Variants in IFT140 observed in about 807,000 individuals in gnomAD.
IFT140 encodes the protein intraflagellar transport protein 140 homolog.
Under a neutral mutation model 164.6 loss-of-function variants are expected in IFT140, and 133 were observed. The ratio of observed to expected loss-of-function variants is 0.81; its 90% CI spans 0.70 to 0.93. IFT140 has a LOEUF of 0.93. Ranked by LOEUF, IFT140 falls within the 40% of genes least tolerant of loss-of-function variation. The probability of loss-of-function intolerance (pLI) is 0.00; values close to 1 mark genes in which losing one functional copy is unlikely to be tolerated. For synonymous variants in IFT140, 860 were observed against 817.3 expected (o/e 1.05, Z -0.89); for missense variants, 2,045 against 1,972.3 (o/e 1.04, Z -0.70).
At chr16:1,585,904 G>C (rs2034847873) in intron 10 of IFT140, among the ~76,000 whole-genome samples, 1 of 151,534 alleles carries the variant, frequency 6.6e-6, no homozygotes, top group Non-Finnish European at 1.5e-5. Context: ...CTGAGTAGCT[G>C]AGGCTACAGG....
At chr16:1,566,553 C>A (rs1339390462) in intron 15 of IFT140, among the ~76,000 whole-genome samples, 2 of 152,170 alleles carry the variant, frequency 1.3e-5, no homozygotes, top group Admixed American at 6.5e-5. Flanking sequence ...CCTCCGCCTC[C>A]CGGGCTCAGG....
chr16:1,527,319 C>G (rs2040737479), intron 19 of IFT140, among the ~76,000 whole-genome samples: 1 of 152,182 alleles, frequency 6.6e-6, no homozygotes, highest in South Asian at 2.1e-4. Context: ...GGAGACAGGC[C>G]TGTCTCCCCA....
At position 1,566,258 on chromosome 16, in the gene IFT140, A is replaced by T; in HGVS notation, c.1804T>A (p.Tyr602Asn). 1 of 1,613,836 alleles carries T rather than the reference A, an allele frequency of 6.2e-7. No individual in the cohort carries two copies. The highest frequency in any genetic ancestry group is 1.1e-5 in the South Asian group (1 of 91,078). Residue 602 changes from tyrosine (Y) to asparagine (N), a missense_variant, in exon 16 of 31, where the codon TAC becomes AAC. Physicochemically the swap from Tyr to Asn is moderately radical, Grantham distance 143 (BLOSUM62 -2). Coordinates refer to ENST00000426508, the MANE Select transcript of IFT140 (RefSeq NM_014714.4). ...DNSPDSKICF[Y>N]DVEMDTVTVF... is the part of the protein sequence containing the mutation. ...GTCACTGTGTCCATTTCAACATCGT[A>T]GAAGCAGATTTTGGAATCAGGGCTG... is the stretch of plus-strand genomic sequence containing the variant.
chr16:1,610,006 C>T (rs1275416844), intron 2 of IFT140: 1 of 152,300 alleles, frequency 6.6e-6, no homozygotes, highest in Non-Finnish European at 1.5e-5. Flanking sequence ...CAAGTGCCTC[C>T]ATCAAACCAG....
chr16:1,554,669 G>C (rs376906005), intron 19 of IFT140: 1 of 1,456,078 alleles, frequency 6.9e-7, no homozygotes. Context: ...CTAGGACAGA[G>C]GGCTGGGGAA....
At chr16:1,600,908 G>A in intron 4 of IFT140, among the ~76,000 whole-genome samples, 1 of 151,770 alleles carries the variant, frequency 6.6e-6, no homozygotes. Flanking sequence ...AAAAAAAAGG[G>A]AGGAAAAAAG....
intron 29 of IFT140, among the ~76,000 whole-genome samples, chr16:1,519,564 C>T (rs1435135790): frequency 1.3e-5 from 2 of 152,142 alleles, no homozygotes; most frequent in Non-Finnish European, 2.9e-5. Context: ...GACTCCCCTG[C>T]CCGGCCCCTG....
chr16:1,568,464 G>C (rs1458478611), intron 14 of IFT140, 130 bp from the exon 15 acceptor site: 2 of 724,364 alleles, frequency 2.8e-6, no homozygotes, highest in South Asian at 3.6e-5. Flanking sequence ...TGGGTGGCGC[G>C]TGTGCACCAT....
At position 1,589,963 on chromosome 16, in the gene IFT140, G is replaced by A. The variant is rs140583270; in HGVS notation, c.635-183C>T. On this transcript the variant is annotated intron_variant, in intron 6 of 30. Coordinates refer to ENST00000426508, the MANE Select transcript of IFT140 (RefSeq NM_014714.4). The stretch of plus-strand genomic sequence containing the variant: ...TGTAATCCCAGCACTTTGGGAGGCC[G>A]AGGCTGGTAGATCACCTGGGGTCAG... Among the ~76,000 whole-genome samples the A allele has an allele frequency of 0.023, 3,466 of 152,230 alleles. 142 individuals are homozygous for A. Among genetic ancestry groups the A allele is most frequent in the African/African-American group, 0.079 (3,273 of 41,546 alleles).
At chr16:1,532,622 T>C (rs544841838) in intron 19 of IFT140, 1 of 152,388 alleles carries the variant, frequency 6.6e-6, no homozygotes, top group Non-Finnish European at 1.5e-5. Context: ...AACAGGACTC[T>C]CTGTCCCAGC....
chr16:1,597,404 G>A (rs901730927), intron 4 of IFT140, among the ~76,000 whole-genome samples: 5 of 152,340 alleles, frequency 3.3e-5, no homozygotes, highest in African/African-American at 1.2e-4. Flanking sequence ...CAGGGAGCAG[G>A]AGCAGGCCGT....
intron 17 of IFT140, 71 bp from the exon 18 acceptor site, chr16:1,562,187 A>G (rs2033450046): frequency 2.2e-6 from 3 of 1,354,826 alleles, no homozygotes; most frequent in Non-Finnish European, 3.0e-6. Flanking sequence ...TATGAGTGCC[A>G]TTTTGCTACA....
At chr16:1,517,715 G>A (rs1194311196) in intron 30 of IFT140, among the ~76,000 whole-genome samples, 1 of 152,172 alleles carries the variant, frequency 6.6e-6, no homozygotes, top group Admixed American at 6.5e-5. Context: ...AAAAGAAATC[G>A]TGGTTATTCA....
intron 14 of IFT140, among the ~76,000 whole-genome samples, chr16:1,569,450 C>T (rs1406809933): frequency 7.9e-6 from 1 of 126,710 alleles, no homozygotes; most frequent in Non-Finnish European, 1.6e-5. Context: ...CTCTTCCCTT[C>T]CCTCCCCTCC....
intron 30 of IFT140, chr16:1,513,401 T>C (rs2040234382): frequency 6.6e-6 from 1 of 152,030 alleles, no homozygotes; most frequent in African/African-American, 2.4e-5. Context: ...CTTGGGAGGC[T>C]GAGGCAGGAC....
At chr16:1,568,853 G>A (rs73499704) in intron 14 of IFT140, among the ~76,000 whole-genome samples, 2,895 of 152,292 alleles carry the variant, frequency 0.019, 103 homozygotes, top group African/African-American at 0.066. Flanking sequence ...TTCGTAGCAC[G>A]TGGGGACTGC....
At chr16:1,575,889 T>C (rs13380456) in intron 13 of IFT140, among the ~76,000 whole-genome samples, 28,638 of 152,132 alleles carry the variant, frequency 0.19, 3,466 homozygotes, top group African/African-American at 0.33. Context: ...CACTGGTGCC[T>C]GCACAGCCCC....
At chr16:1,597,486 T>G (rs1032395795) in intron 4 of IFT140, among the ~76,000 whole-genome samples, 23 of 152,188 alleles carry the variant, frequency 1.5e-4, no homozygotes, top group Non-Finnish European at 3.1e-4. Flanking sequence ...CACTTCTAAC[T>G]TCAGCTGGTC....
chr16:1,588,777 C>T (rs2035028758), intron 7 of IFT140, among the ~76,000 whole-genome samples: 2 of 152,164 alleles, frequency 1.3e-5, no homozygotes, highest in Non-Finnish European at 1.5e-5. Context: ...ATACCCCAAA[C>T]TCATATGTGG....
Sources: gnomAD v4.1 joint callset for allele counts (sites outside exome capture counted in the v4.1 genomes callset) on GRCh38, gnomAD v4.1.1 for gene constraint, MANE v1.5 for transcripts, NCBI Gene and HGNC (gene_info 2026-07-23, HGNC 2026-07-21) for gene names.